The following CPNE4 variants were observed in gnomAD, a reference collection of about 807,000 sequenced individuals.
The protein encoded by CPNE4 is copine-4.
A neutral mutation model predicts 67.9 loss-of-function variants in CPNE4; 25 were observed. The ratio of observed to expected loss-of-function variants is 0.37; its 90% CI spans 0.27 to 0.51. The LOEUF is 0.51. CPNE4 is among the 20% of genes least tolerant of loss of function. The probability of loss-of-function intolerance (pLI) is 0.93; values close to 1 mark genes in which losing one functional copy is unlikely to be tolerated. For synonymous variants in CPNE4, 242 were observed against 244.9 expected (o/e 0.99, Z 0.11); for missense variants, 464 against 690.8 (o/e 0.67, Z 3.68).
intron 15 of CPNE4, among the ~76,000 whole-genome samples, chr3:131,535,858 G>T (rs1301770771): frequency 6.6e-6 from 1 of 152,184 alleles, no homozygotes; most frequent in Non-Finnish European, 1.5e-5. Context: ...TTAACTTGAC[G>T]CTCTAGTGAT....
intron 1 of CPNE4, among the ~76,000 whole-genome samples, chr3:131,913,982 G>A (rs753169748): frequency 5.3e-5 from 8 of 152,124 alleles, no homozygotes; most frequent in Non-Finnish European, 8.8e-5. Context: ...CATTGCTGTT[G>A]TTTTTTAATT....
intron 1 of CPNE4, among the ~76,000 whole-genome samples, chr3:131,956,776 T>C (rs1245274434): frequency 6.6e-6 from 1 of 152,162 alleles, no homozygotes; most frequent in African/African-American, 2.4e-5. Context: ...TATGAGAAAA[T>C]ACTTTGTGTT....
intron 7 of CPNE4, among the ~76,000 whole-genome samples, chr3:131,651,262 T>G (rs2079809432): frequency 6.6e-6 from 1 of 152,186 alleles, no homozygotes; most frequent in African/African-American, 2.4e-5. Flanking sequence ...ACTATGGGGC[T>G]CTCTGAGCTT....
intron 2 of CPNE4, among the ~76,000 whole-genome samples, chr3:131,837,893 T>C (rs1301085448): frequency 6.6e-6 from 1 of 152,054 alleles, no homozygotes; most frequent in African/African-American, 2.4e-5. Context: ...AAGAGCATTA[T>C]TGAAGTATCA....
intron 2 of CPNE4, among the ~76,000 whole-genome samples, chr3:131,899,932 C>T (rs1413754461): frequency 2.0e-5 from 3 of 152,044 alleles, no homozygotes; most frequent in Non-Finnish European, 4.4e-5. Flanking sequence ...AGCCCTCTAG[C>T]CAAGAAAATT....
chr3:131,538,049 A>G (rs1347116407), intron 15 of CPNE4, among the ~76,000 whole-genome samples: 2 of 152,240 alleles, frequency 1.3e-5, no homozygotes, highest in Non-Finnish European at 2.9e-5. Flanking sequence ...AATGTCAGAT[A>G]TTCCAAAATG....
chr3:131,620,770 C>T (rs150703316), intron 7 of CPNE4, among the ~76,000 whole-genome samples: 3 of 152,214 alleles, frequency 2.0e-5, no homozygotes, highest in East Asian at 1.9e-4. Context: ...GGCTAAGAAA[C>T]GCAGGTAGCC....
chr3:131,693,773 C>A (rs963101654), intron 5 of CPNE4, among the ~76,000 whole-genome samples: 1 of 152,132 alleles, frequency 6.6e-6, no homozygotes, highest in Non-Finnish European at 1.5e-5. Context: ...TCCTGGCTTC[C>A]TACTTCCCTG....
At chr3:131,948,370 G>A (rs2071622245) in intron 1 of CPNE4, among the ~76,000 whole-genome samples, 1 of 152,204 alleles carries the variant, frequency 6.6e-6, no homozygotes, top group African/African-American at 2.4e-5. Flanking sequence ...TGAAGAAGGT[G>A]TCTGCTTCCC....
chr3:131,781,472 C>A (rs2083430939), intron 2 of CPNE4, among the ~76,000 whole-genome samples: 1 of 151,774 alleles, frequency 6.6e-6, no homozygotes, highest in South Asian at 2.1e-4. Flanking sequence ...AATAAATGAA[C>A]AATAAATATG....
At chr3:131,992,364 T>G (rs948457478) in intron 1 of CPNE4, among the ~76,000 whole-genome samples, 1 of 136,538 alleles carries the variant, frequency 7.3e-6, no homozygotes, top group African/African-American at 2.5e-5. Flanking sequence ...AAGGGGATCA[T>G]TTCGGAATTT....
chr3:131,788,376 A>G (rs1352271416), intron 2 of CPNE4, among the ~76,000 whole-genome samples: 2 of 152,182 alleles, frequency 1.3e-5, no homozygotes, highest in Non-Finnish European at 2.9e-5. Context: ...TTCAAAAAGA[A>G]AAAATACAAA....
At chr3:131,550,269 C>T (rs573997189) in intron 13 of CPNE4, among the ~76,000 whole-genome samples, 189 bp from the exon 14 acceptor site, 9 of 152,228 alleles carry the variant, frequency 5.9e-5, no homozygotes, top group Middle Eastern at 3.4e-3. Context: ...AATCATTCTC[C>T]TCTTTAAAAG....
chr3:131,542,500 T>G, intron 15 of CPNE4, 57 bp downstream of exon 15: 8 of 1,149,106 alleles, frequency 7.0e-6, no homozygotes, highest in Non-Finnish European at 1.1e-5. Context: ...ATGTGGGAGG[T>G]GAGCATGCTT....
At chr3:131,908,171 G>T (rs771261203) in intron 1 of CPNE4, among the ~76,000 whole-genome samples, 1 of 152,084 alleles carries the variant, frequency 6.6e-6, no homozygotes, top group Admixed American at 6.6e-5. Context: ...TTCAACCTCC[G>T]TACAGAGTCA....
chr3:131,683,317 T>C (rs1020447508), intron 6 of CPNE4, among the ~76,000 whole-genome samples: 3 of 152,180 alleles, frequency 2.0e-5, no homozygotes, highest in Non-Finnish European at 4.4e-5. Context: ...CAACTGCTGA[T>C]TATTTGGGGA....
intron 2 of CPNE4, among the ~76,000 whole-genome samples, chr3:131,792,925 G>GTGTGTGTGTGTGTGTATA (rs58502463): frequency 3.7e-5 from 5 of 135,142 alleles, no homozygotes; most frequent in African/African-American, 1.4e-4. Context: ...GTGTGTGTGT[G>GTGTGTGTGTGTGTGTATA]TATCTCCAAC....
At chr3:131,979,425 C>T (rs1352550682) in intron 1 of CPNE4, among the ~76,000 whole-genome samples, 2 of 152,126 alleles carry the variant, frequency 1.3e-5, no homozygotes, top group Admixed American at 6.5e-5. Flanking sequence ...AAGGCTTTTA[C>T]CATTATGTAA....
chr3:131,578,691 T>A (rs2107687136), intron 9 of CPNE4, among the ~76,000 whole-genome samples: 1 of 152,252 alleles, frequency 6.6e-6, no homozygotes, highest in South Asian at 2.1e-4. Flanking sequence ...GCTTACTGCT[T>A]ATGTGAAGGA....
Sources: gnomAD v4.1 joint callset for allele counts (sites outside exome capture counted in the v4.1 genomes callset) on GRCh38, gnomAD v4.1.1 for gene constraint, MANE v1.5 for transcripts, NCBI Gene and HGNC (gene_info 2026-07-23, HGNC 2026-07-21) for gene names.